Variants in SDK2 observed in about 807,000 individuals in gnomAD.
SDK2 encodes the protein protein sidekick-2.
A neutral mutation model predicts 253.9 loss-of-function variants in SDK2; 105 were observed. The observed-to-expected ratio is 0.41, with a 90% CI of 0.35 to 0.49. The LOEUF is 0.49. Ranked by LOEUF, SDK2 falls within the 20% of genes least tolerant of loss-of-function variation. The probability of loss-of-function intolerance (pLI) is 0.06; values close to 1 mark genes in which losing one functional copy is unlikely to be tolerated. For missense variants in SDK2, 2,608 were observed against 3,003.0 expected (o/e 0.87, Z 3.07); for synonymous variants, 1,249 against 1,234.9 (o/e 1.01, Z -0.24).
intron 1 of SDK2, among the ~76,000 whole-genome samples, chr17:73,578,416 C>A (rs1003378672): frequency 6.6e-6 from 1 of 152,130 alleles, no homozygotes; most frequent in African/African-American, 2.4e-5. Flanking sequence ...TCTGACCTCC[C>A]AAACTGTAAG....
intron 43 of SDK2, 60 bp from the exon 44 acceptor site, chr17:73,348,785 C>T: frequency 6.9e-7 from 1 of 1,459,608 alleles, no homozygotes; most frequent in Non-Finnish European, 9.4e-7. Flanking sequence ...CCTCCCCTGG[C>T]CTAGGGAGAC....
In SDK2 at chr17:73,455,258, G is replaced by A. The variant is rs1173663433; in HGVS notation, c.479+648C>T. ...GGGTGGCTCAGGAGGGCGGGGAGACGGGTGTATCTCGGGAGGAACTGCTTT... is the reference window on the plus strand; with the variant it reads ...GGGTGGCTCAGGAGGGCGGGGAGACAGGTGTATCTCGGGAGGAACTGCTTT... On this transcript the variant is annotated intron_variant, in intron 4 of 44. Transcript: ENST00000392650. This position sits in a 1 kb window ranked among gnomAD's most constrained non-coding sequence, Gnocchi z 5.0. Among the ~76,000 whole-genome samples, 5 of 152,150 alleles carry A rather than the reference G, an allele frequency of 3.3e-5. No homozygotes were observed. The highest frequency in any genetic ancestry group is 1.9e-4 in the East Asian group (1 of 5,174).
At chr17:73,398,646 A>G (rs1466562802) in intron 22 of SDK2, among the ~76,000 whole-genome samples, 1 of 152,212 alleles carries the variant, frequency 6.6e-6, no homozygotes, top group Non-Finnish European at 1.5e-5. Context: ...GCTTGTGATC[A>G]ATATATTCCT....
At chr17:73,340,782 C>T (rs1233227206) in intron 44 of SDK2, among the ~76,000 whole-genome samples, 8 of 83,554 alleles carry the variant, frequency 9.6e-5, no homozygotes, top group African/African-American at 3.1e-4. Context: ...TTGCTCTTGT[C>T]GTCCAGGCTT....
intron 30 of SDK2, among the ~76,000 whole-genome samples, chr17:73,386,873 A>G (rs1345920364): frequency 6.6e-6 from 1 of 152,206 alleles, no homozygotes; most frequent in Non-Finnish European, 1.5e-5. Context: ...ATGCAGTCAC[A>G]AAAGCACCAA....
intron 31 of SDK2, 74 bp downstream of exon 31, chr17:73,386,371 C>A (rs1209392485): frequency 1.8e-6 from 2 of 1,082,202 alleles, no homozygotes; most frequent in Admixed American, 4.0e-5. Flanking sequence ...GCCCCTCCCC[C>A]CGTAAGAAAA....
chr17:73,498,681 G>C (rs1392842394), intron 2 of SDK2, among the ~76,000 whole-genome samples: 1 of 152,220 alleles, frequency 6.6e-6, no homozygotes, highest in African/African-American at 2.4e-5. Flanking sequence ...TCTCCTTATA[G>C]GAGTTGCTGA....
intron 1 of SDK2, among the ~76,000 whole-genome samples, chr17:73,593,741 C>G (rs1303068940): frequency 6.6e-6 from 1 of 152,208 alleles, no homozygotes; most frequent in Non-Finnish European, 1.5e-5. Context: ...CCAGGAGACA[C>G]CAGCTGAAAG....
At chr17:73,544,148 A>T (rs1050134037) in intron 1 of SDK2, among the ~76,000 whole-genome samples, 1 of 152,232 alleles carries the variant, frequency 6.6e-6, no homozygotes, top group East Asian at 1.9e-4. Context: ...CTGTATGTAC[A>T]AAGAGGCTTT....
chr17:73,582,948 C>G (rs1251984507), intron 1 of SDK2, among the ~76,000 whole-genome samples: 1 of 152,206 alleles, frequency 6.6e-6, no homozygotes. Flanking sequence ...TCCTTTACAA[C>G]CCTCTAACGT....
At chr17:73,429,531 G>A (rs1248755184) in intron 12 of SDK2, among the ~76,000 whole-genome samples, 1 of 152,220 alleles carries the variant, frequency 6.6e-6, no homozygotes, top group South Asian at 2.1e-4. Flanking sequence ...GGGGGTGGCT[G>A]TACAGACTGT....
chr17:73,570,621 C>T lies in SDK2; in HGVS notation c.65-63024G>A, dbSNP rs563683131. ...GCACTGAACACCACCATCAGCTCAC[C>T]GCCATCTCGCAGCCACCCACAAAGG... On this transcript the variant is annotated intron_variant, in intron 1 of 44. Transcript: ENST00000392650. The surrounding 1 kb of genome is among the most constrained non-coding windows in gnomAD (Gnocchi z 4.2). Among the ~76,000 whole-genome samples, 5 of 152,276 alleles carry T rather than the reference C, an allele frequency of 3.3e-5. No homozygotes were observed. The highest frequency in any genetic ancestry group is 2.0e-4 in the Admixed American group (3 of 15,308).
intron 15 of SDK2, among the ~76,000 whole-genome samples, chr17:73,421,348 C>T (rs1023548628): frequency 2.6e-5 from 4 of 152,164 alleles, no homozygotes; most frequent in Non-Finnish European, 4.4e-5. Context: ...GGCAAAACCA[C>T]CATGATTGAT....
intron 1 of SDK2, among the ~76,000 whole-genome samples, chr17:73,551,592 C>T (rs1046092223): frequency 6.6e-6 from 1 of 152,174 alleles, no homozygotes; most frequent in Non-Finnish European, 1.5e-5. Flanking sequence ...CCTCCTGGAC[C>T]AAGCAGGCTC....
rs1235892001 is a variant in SDK2, at chr17:73,549,314, G to A, written c.65-41717C>T. Among the ~76,000 whole-genome samples, 4 of 152,176 alleles carry A rather than the reference G, an allele frequency of 2.6e-5. No homozygotes were observed. The East Asian group carries it at 7.7e-4, about 29-fold the overall frequency. On this transcript the variant is annotated intron_variant, in intron 1 of 44. Transcript: ENST00000392650. Reference sequence around the variant, plus strand: ...CTGCCAGCCACCTGGGCTGCTCACTGTTGAAGAAAGCTTCCCATCACTTCC... The same window carrying A: ...CTGCCAGCCACCTGGGCTGCTCACTATTGAAGAAAGCTTCCCATCACTTCC...
chr17:73,381,023 C>A, intron 33 of SDK2, 73 bp from the exon 34 acceptor site: 1 of 910,210 alleles, frequency 1.1e-6, no homozygotes, highest in Non-Finnish European at 1.7e-6. Flanking sequence ...CTCACACATC[C>A]CCACCCCACA....
intron 1 of SDK2, chr17:73,518,176 A>T (rs1190716565): frequency 6.6e-6 from 1 of 152,216 alleles, no homozygotes; most frequent in Non-Finnish European, 1.5e-5. Flanking sequence ...CAGAATGGAG[A>T]TCACAAAGTT....
At chr17:73,482,876 C>T (rs1176706659) in intron 2 of SDK2, among the ~76,000 whole-genome samples, 2 of 152,226 alleles carry the variant, frequency 1.3e-5, no homozygotes, top group Non-Finnish European at 2.9e-5. Context: ...ACCACAGTAG[C>T]AGCATCGGGT....
Position 73,390,481 on chromosome 17 carries a change from G to A in SDK2, c.3998C>T (p.Ala1333Val), listed in dbSNP as rs1168790383. The part of the protein sequence containing the change: ...PPAAPNGIIL[A>V]YQITHRLNTT... ...GTTGAGCCGGTGTGTGATCTGGTAA[G>A]CTGTGGGAAGGAAGCACATGGCTAT... Residue 1333 changes from alanine (A) to valine (V), a missense_variant and splice_region_variant, in exon 29 of 45, where the codon GCT (alanine) becomes GTT (valine). Around this residue, in one of 2 missense-constraint regions of SDK2, gnomAD observed 1,505 missense variants for 1,859.1 expected, o/e 0.81. Transcript: ENST00000392650. 1.2e-6 allele frequency: 2 copies of A among 1,608,464 alleles called. No individual in the cohort carries two copies. The highest frequency in any genetic ancestry group is 1.3e-5 in the African/African-American group (1 of 74,844).
Sources: allele counts gnomAD v4.1 joint callset (sites outside exome capture counted in the v4.1 genomes callset), GRCh38; gene constraint gnomAD v4.1.1; regional missense constraint gnomAD v4.1.1; non-coding constraint Gnocchi (gnomAD v3.1); transcripts MANE v1.5; gene names NCBI Gene and HGNC (gene_info 2026-07-23, HGNC 2026-07-21).